CENPP: variants seen among roughly 807,000 people sequenced by gnomAD.
CENPP encodes centromere protein P.
A neutral mutation model predicts 35.6 loss-of-function variants in CENPP; 24 were observed. That is an observed-to-expected ratio of 0.67 (90% CI 0.49 to 0.95). The LOEUF (loss-of-function observed/expected upper bound fraction) is 0.95, where lower values mean the gene tolerates loss of function less well. Among genes scored for constraint, CENPP ranks in the 40% least tolerant of loss-of-function variants. The pLI, the probability that CENPP is intolerant of heterozygous loss-of-function variation, is 0.00. For missense variants in CENPP, 332 were observed against 345.3 expected, an observed-to-expected ratio of 0.96 and a Z score of 0.31; for synonymous variants, 120 against 125.5, an observed-to-expected ratio of 0.96 and a Z score of 0.29.
At chr9:92,481,747 C>T (rs1004963680) in intron 5 of CENPP, among the ~76,000 whole-genome samples, 31 of 151,912 alleles carry the variant, frequency 2.0e-4, no homozygotes, top group African/African-American at 6.0e-4. Context: ...TCCATTTGAA[C>T]TTTTCAGTGC....
intron 5 of CENPP, chr9:92,401,304 T>A (rs979366312): frequency 1.8e-6 from 1 of 566,132 alleles, no homozygotes; most frequent in African/African-American, 1.9e-5. Context: ...TTGTGCTCCA[T>A]TAGGCTTTCA....
intron 5 of CENPP, among the ~76,000 whole-genome samples, chr9:92,441,222 A>G (rs937786180): frequency 6.6e-6 from 1 of 152,238 alleles, no homozygotes; most frequent in South Asian, 2.1e-4. Context: ...TCATCTATGT[A>G]CTTTTCTATA....
intron 4 of CENPP, among the ~76,000 whole-genome samples, chr9:92,377,269 A>C (rs181243561): frequency 6.6e-6 from 1 of 152,182 alleles, no homozygotes; most frequent in Non-Finnish European, 1.5e-5. Flanking sequence ...ATCTACCTAA[A>C]TAATTTCTTT....
intron 4 of CENPP, among the ~76,000 whole-genome samples, chr9:92,358,143 T>C (rs1276386484): frequency 1.3e-5 from 2 of 152,074 alleles, no homozygotes; most frequent in South Asian, 4.1e-4. Flanking sequence ...CTTTATTCTG[T>C]CTGCTTCTTC....
chr9:92,530,062 A>C (rs927179965), intron 5 of CENPP, among the ~76,000 whole-genome samples: 1 of 152,208 alleles, frequency 6.6e-6, no homozygotes, highest in African/African-American at 2.4e-5. Context: ...GAGATTATTT[A>C]AAGTATACAG....
intron 5 of CENPP, among the ~76,000 whole-genome samples, chr9:92,454,101 C>T (rs1844800512): frequency 6.6e-6 from 1 of 152,056 alleles, no homozygotes; most frequent in African/African-American, 2.4e-5. Flanking sequence ...TGGATTTTTC[C>T]AGTGGGTAAT....
At chr9:92,541,415 C>T (rs1849316264) in intron 5 of CENPP, among the ~76,000 whole-genome samples, 1 of 85,080 alleles carries the variant, frequency 1.2e-5, no homozygotes, top group Admixed American at 1.1e-4. Flanking sequence ...CCCCCTTCCC[C>T]CTCCCCACCC....
rs957595054 is a variant in CENPP at position 92,618,594 on chromosome 9, G to A, written c.*5445G>A. On this transcript the variant is annotated 3_prime_UTR_variant, in exon 8 of 8. Transcript: ENST00000375587. ...CATCGAACACCACCAGCTTAATCCAGTTAAGGAATTCCTCATAACTTAGCC... is the reference window on the plus strand; with the variant it reads ...CATCGAACACCACCAGCTTAATCCAATTAAGGAATTCCTCATAACTTAGCC... The A allele has an allele frequency of 1.8e-5, 8 of 456,404 alleles. No homozygotes were observed. The highest frequency in any genetic ancestry group is 1.6e-4 in the Admixed American group (7 of 42,572). The allele number at this position is 456,404 out of a possible 1,614,324, so 28.3% of individuals were successfully genotyped here. A position where few individuals can be genotyped will look rare whatever the true frequency, so the allele number is the denominator to read the frequency against.
chr9:92,325,745 C>G, upstream of CENPP: 1 of 469,328 alleles, frequency 2.1e-6, no homozygotes, highest in Non-Finnish European at 3.8e-6. Flanking sequence ...AGAACGCGCT[C>G]TCCAGAGAAA....
At chr9:92,385,435 T>G in intron 5 of CENPP, 1 of 544,322 alleles carries the variant, frequency 1.8e-6, no homozygotes, top group African/African-American at 1.9e-5. Context: ...GTTTCGAACG[T>G]AGACATTCAG....
At chr9:92,494,102 A>G (rs951349913) in intron 5 of CENPP, 2 of 1,597,820 alleles carry the variant, frequency 1.3e-6, no homozygotes, top group Admixed American at 1.7e-5. Context: ...AGGAAAGGCC[A>G]CATCTGATCT....
chr9:92,404,597 A>G (rs1296699467), intron 5 of CENPP: 1 of 1,291,050 alleles, frequency 7.7e-7, no homozygotes, highest in Non-Finnish European at 1.0e-6. Flanking sequence ...CTATGTCTTG[A>G]TTTCAAACTG....
intron 5 of CENPP, among the ~76,000 whole-genome samples, chr9:92,584,046 A>C (rs185303036): frequency 2.0e-5 from 3 of 152,330 alleles, no homozygotes; most frequent in Admixed American, 1.3e-4. Context: ...CAAAGGCTGA[A>C]TGAAAACACT....
At chr9:92,556,320 T>C (rs1207908728) in intron 5 of CENPP, among the ~76,000 whole-genome samples, 1 of 152,208 alleles carries the variant, frequency 6.6e-6, no homozygotes, top group African/African-American at 2.4e-5. Context: ...ATGGTCTATC[T>C]TGGAGAAAGT....
At chr9:92,557,803 C>T (rs562132188) in intron 5 of CENPP, among the ~76,000 whole-genome samples, 91 of 152,116 alleles carry the variant, frequency 6.0e-4, no homozygotes, top group Middle Eastern at 3.4e-3. Context: ...CCACCACGCC[C>T]GACTAATTTT....
intron 4 of CENPP, among the ~76,000 whole-genome samples, chr9:92,355,365 A>G (rs770696266): frequency 6.6e-6 from 1 of 151,490 alleles, no homozygotes; most frequent in African/African-American, 2.4e-5. Context: ...TCCTACTTGC[A>G]TGTCTGTTTT....
chr9:92,374,898 C>T (rs986602188), intron 4 of CENPP, among the ~76,000 whole-genome samples: 6 of 152,166 alleles, frequency 3.9e-5, no homozygotes, highest in Non-Finnish European at 8.8e-5. Context: ...TAACAGACCT[C>T]AGCTTTCTTG....
intron 5 of CENPP, chr9:92,600,208 G>A (rs941688584): frequency 9.0e-6 from 10 of 1,114,796 alleles, no homozygotes; most frequent in Non-Finnish European, 1.2e-5. Context: ...TTTAGCTTGA[G>A]GTTCCATACA....
At chr9:92,534,713 C>T (rs1849059055) in intron 5 of CENPP, among the ~76,000 whole-genome samples, 1 of 152,170 alleles carries the variant, frequency 6.6e-6, no homozygotes, top group Non-Finnish European at 1.5e-5. Context: ...ATAACAACAA[C>T]AGCAGGGGAA....
Sources: allele counts gnomAD v4.1 joint callset (sites outside exome capture counted in the v4.1 genomes callset), GRCh38; gene constraint gnomAD v4.1.1; transcripts MANE v1.5; gene names NCBI Gene and HGNC (gene_info 2026-07-23, HGNC 2026-07-21).